Variants in NPAS4 observed in about 807,000 individuals in gnomAD.
NPAS4 encodes the protein neuronal PAS domain protein 4, also known as neuronal PAS domain-containing protein 4.
In NPAS4, 10 loss-of-function variants were observed where a neutral mutation model predicts 64.0. The observed-to-expected ratio is 0.16, with a 90% confidence interval of 0.10 to 0.26. The LOEUF is 0.26. Among genes scored for constraint, NPAS4 ranks in the 10% least tolerant of loss-of-function variants. The probability of loss-of-function intolerance (pLI) is 1.00; values close to 1 mark genes in which losing one functional copy is unlikely to be tolerated. For missense variants in NPAS4, 886 were observed against 992.6 expected, an observed-to-expected ratio of 0.89 and a Z score of 1.44; for synonymous variants, 441 against 411.7, an observed-to-expected ratio of 1.07 and a Z score of -0.86.
chr11:66,425,958 C>A lies in NPAS4; in HGVS notation c.2381-3C>A, dbSNP rs1590697496. On this transcript the variant is annotated splice_region_variant and splice_polypyrimidine_tract_variant and intron_variant, in intron 7 of 7. Transcript: ENST00000311034. ...TGTGTTCTCTCTATCTATCTCTCTG[C>A]AGATGGAAGTGGAGGGGAACCAACG... The A allele has an allele frequency of 2.5e-6, 4 of 1,607,528 alleles. No homozygotes were observed. In the East Asian group the frequency reaches 8.9e-5, roughly 36 times the overall value.
upstream of NPAS4, among the ~76,000 whole-genome samples, chr11:66,418,128 AT>A (rs1457826069): frequency 4.9e-4 from 75 of 152,164 alleles, no homozygotes; most frequent in African/African-American, 1.5e-3. Context: ...TTGCTCTCCC[AT>A]TCCTTCTACA....
rs777657997 is a variant in NPAS4, at chr11:66,424,009, C to T, written c.1119C>T (p.Thr373=). 4 of 1,614,154 alleles carry T rather than the reference C, an allele frequency of 2.5e-6. No homozygotes were observed. The East Asian group carries it at 8.9e-5, about 36-fold the overall frequency. ...FTAALGAPRS[T]SFPSAPELSV... is the part of the protein sequence containing the mutation. ...CAGCACTGGGGGCTCCCAGAAGCAC[C>T]AGCTTCCCCAGTGCTCCTGAACTGA... The change falls in exon 7 of 8, where the codon ACC becomes ACT. Residue 373 remains threonine, a synonymous_variant. Transcript: ENST00000311034.
In NPAS4 at chr11:66,424,444, C is replaced by T; in HGVS notation, c.1554C>T (p.Thr518=). 1 of 1,614,178 alleles carries T rather than the reference C, an allele frequency of 6.2e-7. No homozygotes were observed. Among genetic ancestry groups the T allele is most frequent in the Non-Finnish European group, 8.5e-7 (1 of 1,180,026 alleles). The change falls in exon 7 of 8, where the codon ACC becomes ACT. Residue 518 remains threonine (T), a synonymous_variant. Coordinates refer to ENST00000311034, the MANE Select transcript of NPAS4 (RefSeq NM_178864.4). The part of the protein sequence containing the change: ...FPDQLLPSTA[T]FPEPLGSPAH... ...ACCAGCTGCTTCCCAGCACAGCCAC[C>T]TTCCCAGAGCCTCTGGGCAGCCCTG...
At chr11:66,423,740 G>A (rs754506939) in intron 6 of NPAS4, 27 bp downstream of exon 6, 5 of 1,613,466 alleles carry the variant, frequency 3.1e-6, no homozygotes, top group Non-Finnish European at 4.2e-6. Flanking sequence ...GGGACTAGGG[G>A]GCAGCTGAGG....
chr11:66,422,284 G>T lies in NPAS4; in HGVS notation c.327+13G>T. On this transcript the variant is annotated intron_variant, in intron 2 of 7. Transcript: ENST00000311034. ...GGGCCACTCCATGGTGAGTGCTAAG[G>T]GTCCTTTCAGCTGAGGCTGGGCATG... The T allele has an allele frequency of 6.2e-7, 1 of 1,613,598 alleles. No individual in the cohort carries two copies. Among genetic ancestry groups the T allele is most frequent in the South Asian group, 1.1e-5 (1 of 91,080 alleles).
chr11:66,415,517 A>G, the NPAS4 span, among the ~76,000 whole-genome samples: 1 of 152,214 alleles, frequency 6.6e-6, no homozygotes, highest in Non-Finnish European at 1.5e-5. Context: ...TTTGAACCAT[A>G]TGGTCTCTGT....
At chr11:66,425,311 T>A in intron 7 of NPAS4, 41 bp downstream of exon 7, 1 of 1,232,566 alleles carries the variant, frequency 8.1e-7, no homozygotes, top group Non-Finnish European at 1.1e-6. Flanking sequence ...GTCCCTGTCC[T>A]GCCAATGAAA....
the NPAS4 span, among the ~76,000 whole-genome samples, chr11:66,415,034 C>G: frequency 2.6e-5 from 4 of 152,182 alleles, no homozygotes; most frequent in African/African-American, 9.7e-5. Flanking sequence ...CTTCCTTTTC[C>G]TCCCATATGT....
Position 66,424,889 on chromosome 11 carries a change from C to T in NPAS4, c.1999C>T (p.Pro667Ser), listed in dbSNP as rs1209500056. ...ACTAGAGCCACTTGGAGGACTGGAG[C>T]CCCTGGACTCCAACCTGTCCCTGTC... is the stretch of plus-strand genomic sequence containing the variant. ...GGLEPLGGLE[P>S]LDSNLSLSGA... The change falls in exon 7 of 8, where the codon CCC becomes TCC. Residue 667 changes from proline (P) to serine (S), a missense_variant. By Grantham distance (74) the Pro-to-Ser change is moderately conservative. Coordinates refer to ENST00000311034, the MANE Select transcript of NPAS4 (RefSeq NM_178864.4). 6.2e-7 allele frequency: 1 copy of T among 1,613,142 alleles called. No homozygotes were observed.
upstream of NPAS4, among the ~76,000 whole-genome samples, chr11:66,420,045 T>A (rs1217684806): frequency 1.3e-5 from 2 of 152,102 alleles, no homozygotes; most frequent in African/African-American, 4.8e-5. Context: ...TGTCCTAATA[T>A]GGAGCTGGGA....
In NPAS4 at chr11:66,424,534, C is replaced by T; in HGVS notation, c.1644C>T (p.Thr548=). 2 of 1,614,196 alleles carry T rather than the reference C, an allele frequency of 1.2e-6. No homozygotes were observed. Among genetic ancestry groups the T allele is most frequent in the Admixed American group, 1.7e-5 (1 of 60,026 alleles). ...FQAHLDSPSQ[T]FPEQLSPNPT... ...CACACCTGGACAGCCCCAGCCAAAC[C>T]TTCCCAGAGCAACTGAGCCCCAACC... The change falls in exon 7 of 8, where the codon ACC becomes ACT. Residue 548 remains threonine (T), a synonymous_variant. Transcript: ENST00000311034.
Position 66,424,513 on chromosome 11 carries a change from C to A in NPAS4, c.1623C>A (p.His541Gln). 1 of 1,614,148 alleles carries A rather than the reference C, an allele frequency of 6.2e-7. No individual in the cohort carries two copies. ...CTCCCAGCACAGCATTCCAAGCACA[C>A]CTGGACAGCCCCAGCCAAACCTTCC... ...LTPPSTAFQAHLDSPSQTFPE... is the reference protein window; with the variant it reads ...LTPPSTAFQAQLDSPSQTFPE... The change falls in exon 7 of 8, where the codon CAC becomes CAA. Residue 541 changes from histidine (H) to glutamine (Q), a missense_variant. Physicochemically the swap from His to Gln is conservative, Grantham distance 24 (BLOSUM62 0). Transcript: ENST00000311034.
chr11:66,416,178 T>C (rs1856667076), upstream of NPAS4, among the ~76,000 whole-genome samples: 1 of 152,152 alleles, frequency 6.6e-6, no homozygotes, highest in African/African-American at 2.4e-5. Flanking sequence ...AGTCTTTTTG[T>C]CCCTCTGCTT....
At chr11:66,421,746 T>C (rs778259417) in intron 1 of NPAS4, among the ~76,000 whole-genome samples, 8 of 152,190 alleles carry the variant, frequency 5.3e-5, no homozygotes, top group Non-Finnish European at 1.2e-4. Flanking sequence ...TCCTGTCGCC[T>C]TCGGGGCGCT....
chr11:66,417,009 C>T (rs578107031), upstream of NPAS4: 1 of 152,144 alleles, frequency 6.6e-6, no homozygotes, highest in Admixed American at 6.5e-5. Context: ...GGGTGATGCC[C>T]CTCCCCCAGT....
upstream of NPAS4, among the ~76,000 whole-genome samples, chr11:66,420,582 G>A (rs1333590918): frequency 1.3e-5 from 2 of 152,232 alleles, no homozygotes; most frequent in East Asian, 1.9e-4. Context: ...AGGGGGATTT[G>A]TAGACAACCC....
rs763995928 is a variant in NPAS4 at position 66,421,102 on chromosome 11, G to C, written c.-78G>C. On this transcript the variant is annotated 5_prime_UTR_variant, in exon 1 of 8. Coordinates refer to ENST00000311034, the MANE Select transcript of NPAS4 (RefSeq NM_178864.4). ...CCTGAGCGAGAGACGGGGAAGCACG[G>C]AGGAGGAAGCCGCCGGTGCGTCGGG... 672 of 1,287,142 alleles carry C rather than the reference G, an allele frequency of 5.2e-4. 1 individual carries two copies. Among genetic ancestry groups the C allele is most frequent in the Non-Finnish European group, 6.3e-4 (585 of 924,314 alleles). The allele number at this position is 1,287,142 out of a possible 1,614,324, so 79.7% of individuals were successfully genotyped here.
upstream of NPAS4, among the ~76,000 whole-genome samples, chr11:66,416,194 C>T (rs904330720): frequency 2.0e-5 from 3 of 152,152 alleles, no homozygotes; most frequent in Non-Finnish European, 2.9e-5. Flanking sequence ...TGCTTCATAA[C>T]GTTAAGTGGA....
intron 2 of NPAS4, 72 bp downstream of exon 2, chr11:66,422,343 A>G (rs1225814197): frequency 1.1e-5 from 17 of 1,527,986 alleles, no homozygotes; most frequent in Non-Finnish European, 1.5e-5. Context: ...CTCCTGAGGA[A>G]CTGGGAATTA....
Sources: allele counts gnomAD v4.1 joint callset (sites outside exome capture counted in the v4.1 genomes callset), GRCh38; gene constraint gnomAD v4.1.1; transcripts MANE v1.5; gene names NCBI Gene and HGNC (gene_info 2026-07-23, HGNC 2026-07-21).